JADE2: variants seen among roughly 807,000 people sequenced by gnomAD.
JADE2 encodes jade family PHD finger 2, also known as E3 ubiquitin-protein ligase Jade-2.
JADE2 carries 13 observed loss-of-function variants against 85.7 expected under a neutral mutation model. The ratio of observed to expected loss-of-function variants is 0.15; its 90% CI spans 0.10 to 0.24. The LOEUF (loss-of-function observed/expected upper bound fraction) is 0.24. Among genes scored for constraint, JADE2 ranks in the 10% least tolerant of loss-of-function variants. The pLI is 1.00. For synonymous variants in JADE2, 440 were observed against 456.1 expected (o/e 0.96, Z 0.45); for missense variants, 846 against 1,115.9 (o/e 0.76, Z 3.45).
At chr5:134,532,864 C>G (rs964849449) in intron 1 of JADE2, among the ~76,000 whole-genome samples, 1 of 152,160 alleles carries the variant, frequency 6.6e-6, no homozygotes, top group African/African-American at 2.4e-5. Context: ...AGCAAGGAGG[C>G]CTTTGGAAGA....
intron 4 of JADE2, among the ~76,000 whole-genome samples, chr5:134,553,898 C>T (rs887939909): frequency 6.6e-6 from 1 of 152,200 alleles, no homozygotes; most frequent in Non-Finnish European, 1.5e-5. Flanking sequence ...CCTCCAGCTA[C>T]GGAGTTCAGC....
At position 134,560,733 on chromosome 5, in the gene JADE2, G is replaced by C. The variant is rs180827535; in HGVS notation, c.473-13G>C. The C allele has an allele frequency of 3.3e-3, 5,298 of 1,610,424 alleles. 5 individuals carry two copies. Among genetic ancestry groups the C allele is most frequent in the Non-Finnish European group, 3.9e-3 (4,607 of 1,178,256 alleles). On this transcript the variant is annotated splice_polypyrimidine_tract_variant and intron_variant, in intron 5 of 11. Transcript: ENST00000681547. Reference sequence around the variant, plus strand: ...GCTCCTAACACCACCATGCCCTGCTGTCCTCCTCACAGAGAGGCCGGAGCT... The same window carrying C: ...GCTCCTAACACCACCATGCCCTGCTCTCCTCCTCACAGAGAGGCCGGAGCT...
Position 134,525,873 on chromosome 5 carries a change from A to T in JADE2, c.-139A>T, listed in dbSNP as rs1219720080. 1.0e-6 allele frequency: 1 copy of T among 986,014 alleles called. No individual in the cohort carries two copies. Among genetic ancestry groups the T allele is most frequent in the Non-Finnish European group, 1.2e-6 (1 of 830,714 alleles). The allele number at this position is 986,014 out of a possible 1,614,324, so 61.1% of individuals were successfully genotyped here. On this transcript the variant is annotated 5_prime_UTR_variant, in exon 1 of 12. Coordinates refer to ENST00000681547, the MANE Select transcript of JADE2 (RefSeq NM_001388185.1). The stretch of plus-strand genomic sequence containing the variant: ...GGGCCCGGCCGCCTCCCTCGCCGCG[A>T]CCCCGGATGGATGCGCGCCCCCCGC...
rs202212066 is a variant in JADE2, at chr5:134,538,092, T to C, written c.153+9T>C. 526 of 1,600,982 alleles carry C rather than the reference T, an allele frequency of 3.3e-4. 4 individuals are homozygous for C. The South Asian group carries it at 4.2e-3, about 13-fold the overall frequency. On this transcript the variant is annotated intron_variant, in intron 3 of 11. Transcript: ENST00000681547. The stretch of plus-strand genomic sequence containing the variant: ...AAAAGAAGCCCTCCGAGGTGGGTAG[T>C]GATGAGCTTCCCAGAGATCTGTGGG...
chr5:134,569,552 C>G (rs1351977818), intron 9 of JADE2, among the ~76,000 whole-genome samples: 1 of 152,184 alleles, frequency 6.6e-6, no homozygotes, highest in Non-Finnish European at 1.5e-5. Context: ...GGCTGGTGTC[C>G]CCTAGCAACC....
rs759144936 is a variant in JADE2 at position 134,560,820 on chromosome 5, G to A, written c.547G>A (p.Ala183Thr). The A allele has an allele frequency of 4.3e-6, 7 of 1,614,096 alleles. No homozygotes were observed. The highest frequency in any genetic ancestry group is 5.9e-6 in the Non-Finnish European group (7 of 1,180,036). Reference protein sequence around the residue: ...ELETLCHQNMARAIETQEGLG... With the variant: ...ELETLCHQNMTRAIETQEGLG... Reference sequence around the variant, plus strand: ...GGAGACCCTGTGCCACCAGAATATGGCCAGGGCCATTGAGACGCAGGAGGG... The same window carrying A: ...GGAGACCCTGTGCCACCAGAATATGACCAGGGCCATTGAGACGCAGGAGGG... Residue 183 changes from alanine to threonine, a missense_variant, in exon 6 of 12, where the codon GCC (alanine) becomes ACC (threonine). By Grantham distance (58) the Ala-to-Thr change is moderately conservative. Transcript: ENST00000681547.
chr5:134,550,821 A>G (rs73293760), intron 3 of JADE2, among the ~76,000 whole-genome samples: 2,512 of 152,194 alleles, frequency 0.017, 63 homozygotes, highest in African/African-American at 0.057. Context: ...GGCAAGAGCA[A>G]TTTGCCCCAA....
intron 9 of JADE2, among the ~76,000 whole-genome samples, chr5:134,573,025 A>G (rs976221077): frequency 3.9e-5 from 6 of 152,220 alleles, no homozygotes; most frequent in African/African-American, 1.4e-4. Context: ...TGCAGCGGAT[A>G]GACATGGGTT....
rs183167490 is a variant in JADE2, at chr5:134,579,258, C to G, written c.2446C>G (p.Arg816Gly). ...AGAGGCCGAGGACGGTGGGGTGCAG[C>G]GGGGTCCCCGGGAGGCAGGGGCAGA... Reference protein sequence around the residue: ...DVEAEDGGVQRGPREAGAEEV... With the variant: ...DVEAEDGGVQGGPREAGAEEV... Residue 816 changes from arginine (R) to glycine (G), a missense_variant, in exon 12 of 12, where the codon CGG (arginine) becomes GGG (glycine). Arg to Gly is a moderately radical substitution (Grantham distance 125, BLOSUM62 -2). Transcript: ENST00000681547. This position sits in a 1 kb window ranked among gnomAD's most constrained non-coding sequence, Gnocchi z 4.6. The G allele has an allele frequency of 3.4e-5, 55 of 1,613,626 alleles. No homozygotes were observed. In the East Asian group the frequency reaches 1.1e-3, roughly 33 times the overall value.
Position 134,560,759 on chromosome 5 carries a change from G to C in JADE2, c.486G>C (p.Leu162=), listed in dbSNP as rs749195322. 1.2e-6 allele frequency: 2 copies of C among 1,613,678 alleles called. No homozygotes were observed. Among genetic ancestry groups the C allele is most frequent in the South Asian group, 2.2e-5 (2 of 91,018 alleles). Residue 162 remains leucine, a synonymous_variant, in exon 6 of 12, where the codon CTG becomes CTC. Coordinates refer to ENST00000681547, the MANE Select transcript of JADE2 (RefSeq NM_001388185.1). ...SELKEMERPE[L]DELTLERVLE... ...TCCTCCTCACAGAGAGGCCGGAGCT[G>C]GACGAGCTGACATTAGAGCGTGTGC...
At chr5:134,565,987 C>T in intron 8 of JADE2, 129 bp from the exon 9 acceptor site, 1 of 772,716 alleles carries the variant, frequency 1.3e-6, no homozygotes, top group Non-Finnish European at 2.1e-6. Flanking sequence ...GGTTGGGAGC[C>T]CATGCCATTC....
chr5:134,556,803 C>G (rs934966978), intron 4 of JADE2, among the ~76,000 whole-genome samples: 1 of 144,674 alleles, frequency 6.9e-6, no homozygotes, highest in African/African-American at 2.6e-5. Context: ...TCACACAAAA[C>G]ACACTCCACA....
At chr5:134,543,184 G>A (rs945465771) in intron 3 of JADE2, among the ~76,000 whole-genome samples, 3 of 151,726 alleles carry the variant, frequency 2.0e-5, no homozygotes, top group East Asian at 2.0e-4. Context: ...ACAGGTGCAC[G>A]CCACCATGCC....
chr5:134,553,651 C>T (rs993086448), intron 4 of JADE2, among the ~76,000 whole-genome samples: 4 of 152,246 alleles, frequency 2.6e-5, no homozygotes, highest in South Asian at 4.1e-4. Flanking sequence ...TGCGCCCGGC[C>T]GTAAGCCATG....
rs1359696638 is a variant in JADE2 at position 134,580,497 on chromosome 5, G to T, written c.*1180G>T. The T allele has an allele frequency of 7.8e-5, 11 of 141,854 alleles. No individual in the cohort carries two copies. In the East Asian group the frequency reaches 1.9e-3, roughly 24 times the overall value. 8.8% of individuals were successfully genotyped at this position (141,854 alleles called of 1,614,324 possible). A position where few individuals can be genotyped will look rare whatever the true frequency, so the allele number is the denominator to read the frequency against. Reference sequence around the variant, plus strand: ...CCCCACCCTTAGGTCCCAGGTAGTTGCTCTGAAGAGTTTCAGTAGAGTGGC... The same window carrying T: ...CCCCACCCTTAGGTCCCAGGTAGTTTCTCTGAAGAGTTTCAGTAGAGTGGC... On this transcript the variant is annotated 3_prime_UTR_variant, in exon 12 of 12. Coordinates refer to ENST00000681547, the MANE Select transcript of JADE2 (RefSeq NM_001388185.1).
At chr5:134,554,789 C>A (rs527280361) in intron 4 of JADE2, among the ~76,000 whole-genome samples, 1 of 152,342 alleles carries the variant, frequency 6.6e-6, no homozygotes, top group Admixed American at 6.5e-5. Context: ...CTGGCACCTC[C>A]CACTGCACAG....
intron 1 of JADE2, chr5:134,533,496 C>A (rs1761378752): frequency 1.0e-6 from 1 of 981,890 alleles, no homozygotes; most frequent in Non-Finnish European, 1.2e-6. Context: ...ACAACTTCTG[C>A]TTTTAATACT....
At chr5:134,536,903 A>G (rs1180502051) in intron 2 of JADE2, 2 of 152,296 alleles carry the variant, frequency 1.3e-5, no homozygotes, top group Non-Finnish European at 2.9e-5. Flanking sequence ...CAGCCCCCAC[A>G]AAAGCCTAAG....
Position 134,578,009 on chromosome 5 carries a change from A to T in JADE2, c.1682-485A>T. On this transcript the variant is annotated intron_variant, in intron 11 of 11. Transcript: ENST00000681547. This position sits in a 1 kb window ranked among gnomAD's most constrained non-coding sequence, Gnocchi z 4.4. ...TTTCCTCCAGATTCCTCCTTCCCCA[A>T]CCCCACCAGAATGGGGGTAGTGGGC... Among the ~76,000 whole-genome samples the T allele has an allele frequency of 6.6e-6, 1 of 152,100 alleles. No individual in the cohort carries two copies. The highest frequency in any genetic ancestry group is 2.4e-5 in the African/African-American group (1 of 41,518).
Sources: gnomAD v4.1 joint callset for allele counts (sites outside exome capture counted in the v4.1 genomes callset) on GRCh38, gnomAD v4.1.1 for gene constraint, Gnocchi (gnomAD v3.1) non-coding constraint, MANE v1.5 for transcripts, NCBI Gene and HGNC (gene_info 2026-07-23, HGNC 2026-07-21) for gene names.